The following DNER variants were observed in gnomAD, a reference collection of about 807,000 sequenced individuals.
DNER encodes the protein delta and Notch-like epidermal growth factor-related receptor.
Under a neutral mutation model 78.2 loss-of-function variants are expected in DNER, and 33 were observed. The observed-to-expected ratio is 0.42, with a 90% CI of 0.32 to 0.56. DNER has a LOEUF of 0.56. DNER is among the 20% of genes least tolerant of loss of function. DNER has a pLI of 0.11. For synonymous variants in DNER, 417 were observed against 384.8 expected (o/e 1.08, Z -0.98); for missense variants, 918 against 975.3 (o/e 0.94, Z 0.78).
chr2:229,647,589 GT>G (rs1275276728), intron 1 of DNER, among the ~76,000 whole-genome samples: 12 of 152,222 alleles, frequency 7.9e-5, no homozygotes, highest in African/African-American at 2.9e-4. Context: ...GTGCACAAAG[GT>G]TTTTATATAA....
chr2:229,454,149 G>A (rs930768966), intron 7 of DNER, among the ~76,000 whole-genome samples: 2 of 152,134 alleles, frequency 1.3e-5, no homozygotes, highest in Non-Finnish European at 2.9e-5. Context: ...CCAGTGACCA[G>A]CTAAGCTTGC....
chr2:229,572,829 T>G (rs931420753), intron 4 of DNER, among the ~76,000 whole-genome samples: 1 of 152,210 alleles, frequency 6.6e-6, no homozygotes, highest in African/African-American at 2.4e-5. Flanking sequence ...AGTGTTTTAA[T>G]TTTTGGTTAC....
At chr2:229,710,979 A>ACGCG (rs750730916) in intron 1 of DNER, among the ~76,000 whole-genome samples, 276 of 96,568 alleles carry the variant, frequency 2.9e-3, no homozygotes, top group African/African-American at 0.01. Flanking sequence ...GCATGCATAC[A>ACGCG]CGCGCACACA....
intron 1 of DNER, among the ~76,000 whole-genome samples, chr2:229,680,325 G>T (rs919936111): frequency 6.6e-6 from 1 of 152,100 alleles, no homozygotes; most frequent in Non-Finnish European, 1.5e-5. Flanking sequence ...AGGGAAAAAG[G>T]TTTCCCTCCA....
At chr2:229,445,786 C>G (rs1304881959) in intron 8 of DNER, among the ~76,000 whole-genome samples, 1 of 152,202 alleles carries the variant, frequency 6.6e-6, no homozygotes, top group Non-Finnish European at 1.5e-5. Flanking sequence ...TCTCCTCGCT[C>G]TCTGTCTCCT....
intron 7 of DNER, among the ~76,000 whole-genome samples, chr2:229,462,756 A>G (rs1694729095): frequency 6.6e-6 from 1 of 152,124 alleles, no homozygotes; most frequent in African/African-American, 2.4e-5. Flanking sequence ...TCCATAGGCT[A>G]CAAGTCCTGT....
intron 1 of DNER, among the ~76,000 whole-genome samples, chr2:229,593,672 C>T (rs1156578680): frequency 6.6e-6 from 1 of 152,230 alleles, no homozygotes; most frequent in Non-Finnish European, 1.5e-5. Flanking sequence ...GGGATGTGAA[C>T]TTGTTGAGTC....
intron 1 of DNER, among the ~76,000 whole-genome samples, chr2:229,594,044 C>T (rs1697658511): frequency 1.3e-5 from 2 of 152,332 alleles, no homozygotes; most frequent in South Asian, 4.1e-4. Context: ...CAGCCCACAT[C>T]TGACAACCAT....
chr2:229,684,796 A>T (rs764903280), intron 1 of DNER, among the ~76,000 whole-genome samples: 2 of 152,194 alleles, frequency 1.3e-5, no homozygotes, highest in East Asian at 1.9e-4. Context: ...GGTCTTCATG[A>T]TTAGCACCTA....
At chr2:229,456,169 A>G (rs6745220) in intron 7 of DNER, among the ~76,000 whole-genome samples, 51,055 of 151,652 alleles carry the variant, frequency 0.34, 8,987 homozygotes, top group African/African-American at 0.42. Context: ...GGAGTTTACA[A>G]TCATGGCAGA....
chr2:229,712,045 T>A (rs576908928), intron 1 of DNER, among the ~76,000 whole-genome samples: 2 of 152,176 alleles, frequency 1.3e-5, no homozygotes, highest in Non-Finnish European at 2.9e-5. Context: ...CCAAGTCCAA[T>A]CAAGTTCCAA....
At chr2:229,576,319 T>A (rs1028298957) in intron 4 of DNER, among the ~76,000 whole-genome samples, 1 of 135,556 alleles carries the variant, frequency 7.4e-6, no homozygotes, top group Non-Finnish European at 1.6e-5. Context: ...ATGATGAAAG[T>A]TTCTCTCTCT....
intron 11 of DNER, among the ~76,000 whole-genome samples, chr2:229,373,623 G>A (rs1269793699): frequency 6.6e-6 from 1 of 152,104 alleles, no homozygotes; most frequent in East Asian, 1.9e-4. Context: ...TACCAAAAAA[G>A]CACAGGCACT....
At chr2:229,377,403 A>G (rs1380993088) in intron 11 of DNER, among the ~76,000 whole-genome samples, 1 of 152,234 alleles carries the variant, frequency 6.6e-6, no homozygotes, top group Non-Finnish European at 1.5e-5. Flanking sequence ...CTATGTCAAG[A>G]TTCATAGAAA....
rs73096292 is a variant in DNER, at chr2:229,379,956, G to A, written c.1855+8309C>T. 3.2e-3 allele frequency among the ~76,000 whole-genome samples: 481 copies of A among 152,276 alleles called. 1 individual carries two copies. The highest frequency in any genetic ancestry group is 6.1e-3 in the Non-Finnish European group (418 of 68,022). On this transcript the variant is annotated intron_variant, in intron 11 of 12. Coordinates refer to ENST00000341772, the MANE Select transcript of DNER (RefSeq NM_139072.4). Reference sequence around the variant, plus strand: ...CATCTTTAGCAAGGAAAGTTAATTCGAAGCCCATTCTGTATGAGAGCAATT... The same window carrying A: ...CATCTTTAGCAAGGAAAGTTAATTCAAAGCCCATTCTGTATGAGAGCAATT...
At chr2:229,483,354 C>T (rs762146874) in intron 6 of DNER, among the ~76,000 whole-genome samples, 20 of 152,270 alleles carry the variant, frequency 1.3e-4, no homozygotes, top group Middle Eastern at 3.4e-3. Context: ...GATATGAGGA[C>T]GTAGATCAAG....
At chr2:229,567,647 T>A (rs892099370) in intron 4 of DNER, among the ~76,000 whole-genome samples, 9 of 152,156 alleles carry the variant, frequency 5.9e-5, no homozygotes, top group African/African-American at 1.9e-4. Flanking sequence ...CCAAGCCAAT[T>A]TAGGTAGAAG....
rs148195449 is a variant in DNER at position 229,713,147 on chromosome 2, G to A, written c.276+1001C>T. 2.3e-3 allele frequency among the ~76,000 whole-genome samples: 348 copies of A among 152,244 alleles called. 2 individuals carry two copies. The highest frequency in any genetic ancestry group is 4.6e-3 in the Admixed American group (70 of 15,296). ...CCCAAATATCGTCCATATTCATGTG[G>A]TTTAATGTAATCATTTCAGATAACT... is the stretch of plus-strand genomic sequence containing the variant. On this transcript the variant is annotated intron_variant, in intron 1 of 12. Coordinates refer to ENST00000341772, the MANE Select transcript of DNER (RefSeq NM_139072.4).
Position 229,388,310 on chromosome 2 carries a change from T to C in DNER, c.1810A>G (p.Asn604Asp). 6.2e-7 allele frequency: 1 copy of C among 1,611,532 alleles called. No homozygotes were observed. The highest frequency in any genetic ancestry group is 2.2e-5 in the East Asian group (1 of 44,582). The change falls in exon 11 of 13, where the codon AAC (asparagine) becomes GAC (aspartate). Residue 604 changes from asparagine to aspartate, a missense_variant. Coordinates refer to ENST00000341772, the MANE Select transcript of DNER (RefSeq NM_139072.4). The part of the protein sequence containing the change: ...GSCLDQPNGY[N>D]CHCPHGWVGA... ...ACCCAACCATGCGGGCAGTGGCAGT[T>C]ATAACCATTGGGCTGGTCCAGGCAG...
Sources: allele counts gnomAD v4.1 joint callset (sites outside exome capture counted in the v4.1 genomes callset), GRCh38; gene constraint gnomAD v4.1.1; transcripts MANE v1.5; gene names NCBI Gene and HGNC (gene_info 2026-07-23, HGNC 2026-07-21).